Variants in C21orf58 observed in about 807,000 individuals in gnomAD.
C21orf58 encodes the protein chromosome 21 open reading frame 58.
A neutral mutation model predicts 35.8 loss-of-function variants in C21orf58; 34 were observed. That is an observed-to-expected ratio of 0.95 (90% CI 0.72 to 1.26). C21orf58 has a LOEUF of 1.26. Ranked by LOEUF, C21orf58 falls within the 50% of genes most tolerant of loss-of-function variation. The pLI, the probability that C21orf58 is intolerant of heterozygous loss-of-function variation, is 0.00. For missense variants in C21orf58, 440 were observed against 414.3 expected, an observed-to-expected ratio of 1.06 and a Z score of -0.54; for synonymous variants, 191 against 175.8, an observed-to-expected ratio of 1.09 and a Z score of -0.68.
At chr21:46,305,919 C>T (rs2082395879) in intron 6 of C21orf58, among the ~76,000 whole-genome samples, 1 of 151,446 alleles carries the variant, frequency 6.6e-6, no homozygotes, top group Non-Finnish European at 1.5e-5. Context: ...TCCAGCCTGG[C>T]AGACAGCGAG....
chr21:46,314,506 C>G (rs2082882906), intron 5 of C21orf58, among the ~76,000 whole-genome samples: 1 of 152,206 alleles, frequency 6.6e-6, no homozygotes, highest in Admixed American at 6.5e-5. Flanking sequence ...GAGCTGGGCC[C>G]CAGCCTTCCT....
chr21:46,321,316 G>A (rs910075137), intron 1 of C21orf58, among the ~76,000 whole-genome samples: 11 of 152,058 alleles, frequency 7.2e-5, no homozygotes, highest in African/African-American at 2.2e-4. Context: ...CTACAGGTAC[G>A]TGCCATCATG....
In C21orf58 at chr21:46,312,921, G is replaced by C; in HGVS notation, c.610-1354C>G. The stretch of plus-strand genomic sequence containing the variant: ...CATATATAGAACACGTCATGAAAAT[G>C]AACTTTGGTTTCTCCTCTGAGTGAA... On this transcript the variant is annotated intron_variant, in intron 5 of 7. Transcript: ENST00000291691. 5 of 864,094 alleles carry C rather than the reference G, an allele frequency of 5.8e-6. No individual in the cohort carries two copies. The South Asian group carries it at 1.6e-4, about 27-fold the overall frequency. 53.5% of individuals were successfully genotyped at this position (864,094 alleles called of 1,614,324 possible).
intron 6 of C21orf58, among the ~76,000 whole-genome samples, chr21:46,309,039 C>G (rs2082550893): frequency 6.6e-6 from 1 of 152,184 alleles, no homozygotes; most frequent in Non-Finnish European, 1.5e-5. Flanking sequence ...CCAGATTTGG[C>G]CAGGCGCAGT....
chr21:46,315,164 A>T (rs1414519208), intron 4 of C21orf58: 1 of 732,294 alleles, frequency 1.4e-6, no homozygotes, highest in Non-Finnish European at 2.2e-6. Flanking sequence ...GTCTCCCCCT[A>T]GAAAAGCGGC....
Position 46,317,210 on chromosome 21 carries a change from G to A in C21orf58, c.368C>T (p.Pro123Leu), listed in dbSNP as rs538714108. ...CCAAGCAGCCCAGGGGCTCTCACCT[G>A]GCTCGAGGTGGAGGCCCTCAGGTCC... ...EGGPEGLHLE[P>L]GNEDRPDDAL... Residue 123 changes from proline to leucine, a missense_variant and splice_region_variant, in exon 3 of 8, where the codon CCA becomes CTA. By Grantham distance (98) the Pro-to-Leu change is moderately conservative. Transcript: ENST00000291691. 18 of 1,610,354 alleles carry A rather than the reference G, an allele frequency of 1.1e-5. No homozygotes were observed. Among genetic ancestry groups the A allele is most frequent in the African/African-American group, 4.0e-5 (3 of 74,990 alleles).
At chr21:46,315,297 C>G in intron 4 of C21orf58, 177 bp downstream of exon 4, 1 of 602,560 alleles carries the variant, frequency 1.7e-6, no homozygotes. Flanking sequence ...CATTTCCAGT[C>G]CTGATGGAAA....
At chr21:46,304,180 C>T (rs1320084808) in intron 6 of C21orf58, among the ~76,000 whole-genome samples, 3 of 150,754 alleles carry the variant, frequency 2.0e-5, no homozygotes, top group African/African-American at 7.3e-5. Flanking sequence ...GCACCCGCCA[C>T]CACGCCCGGC....
At chr21:46,318,419 G>C (rs1243016499) in intron 1 of C21orf58, 199 bp from the exon 2 acceptor site, 3 of 1,429,246 alleles carry the variant, frequency 2.1e-6, no homozygotes, top group Non-Finnish European at 2.7e-6. Context: ...GGGCTTCATG[G>C]GAAGGCAAAA....
chr21:46,310,435 C>A (rs977609239), intron 6 of C21orf58, among the ~76,000 whole-genome samples: 1 of 149,450 alleles, frequency 6.7e-6, no homozygotes, highest in Non-Finnish European at 1.5e-5. Flanking sequence ...GCCAAGATGG[C>A]GCCATTGCAC....
In C21orf58 at chr21:46,303,741, ATATATTTTTTTTTTTTTT is replaced by A. The variant is rs1399790213; in HGVS notation, c.722-1183_722-1166del. Among the ~76,000 whole-genome samples the A allele has an allele frequency of 4.9e-4, 12 of 24,264 alleles. 1 individual carries two copies. The East Asian group carries it at 7.0e-3, about 14-fold the overall frequency. 15.9% of individuals were successfully genotyped at this position (24,264 alleles called of 152,430 possible). A position where few individuals can be genotyped will look rare whatever the true frequency, so the allele number is the denominator to read the frequency against. On this transcript the variant is annotated intron_variant, in intron 6 of 7. Transcript: ENST00000291691. ...TATATATATATATATATATATATAT[ATATATTTTTTTTTTTTTT>A]TTTTTTTTTGGAGACAGAGTCTTGC... is the stretch of plus-strand genomic sequence containing the variant.
At chr21:46,308,079 C>T (rs910496295) in intron 6 of C21orf58, among the ~76,000 whole-genome samples, 6 of 151,920 alleles carry the variant, frequency 3.9e-5, no homozygotes, top group African/African-American at 1.4e-4. Flanking sequence ...CTGCAGCCTC[C>T]ACCTCCTGGG....
chr21:46,308,289 C>T (rs182510106), intron 6 of C21orf58, among the ~76,000 whole-genome samples: 7 of 152,158 alleles, frequency 4.6e-5, no homozygotes, highest in African/African-American at 9.6e-5. Flanking sequence ...GGAGAAACCC[C>T]GTCTCTACTA....
intron 6 of C21orf58, among the ~76,000 whole-genome samples, chr21:46,305,673 C>T (rs943450597): frequency 1.1e-4 from 17 of 152,146 alleles, no homozygotes; most frequent in African/African-American, 4.1e-4. Flanking sequence ...GGCGCGGTGG[C>T]TCACGCCTGT....
chr21:46,317,760 G>A (rs939352832), intron 2 of C21orf58, among the ~76,000 whole-genome samples: 1 of 152,238 alleles, frequency 6.6e-6, no homozygotes, highest in African/African-American at 2.4e-5. Context: ...GGGGTGCAGA[G>A]GTGCCCCCAG....
Position 46,323,828 on chromosome 21 carries a change from A to T in C21orf58, c.-1090T>A. On this transcript the variant is annotated 5_prime_UTR_variant, in exon 1 of 8. Coordinates refer to ENST00000291691, the MANE Select transcript of C21orf58 (RefSeq NM_058180.5). ...CGGCCCGCTGTCCTGGTGGACACAA[A>T]GCCCAGGGGCCGCCCGCGCGGGACC... 1 of 345,180 alleles carries T rather than the reference A, an allele frequency of 2.9e-6. No homozygotes were observed. 21.4% of individuals were successfully genotyped at this position (345,180 alleles called of 1,614,324 possible). A position where few individuals can be genotyped will look rare whatever the true frequency, so the allele number is the denominator to read the frequency against.
At chr21:46,302,296 C>T in intron 7 of C21orf58, 142 bp from the exon 8 acceptor site, 1 of 1,372,620 alleles carries the variant, frequency 7.3e-7, no homozygotes, top group Non-Finnish European at 9.7e-7. Flanking sequence ...AGGCTCCTCC[C>T]CCGCCCCAAA....
At position 46,317,278 on chromosome 21, in the gene C21orf58, A is replaced by G. The variant is rs2083007881; in HGVS notation, c.310-10T>C. On this transcript the variant is annotated splice_polypyrimidine_tract_variant and intron_variant, in intron 2 of 7. Coordinates refer to ENST00000291691, the MANE Select transcript of C21orf58 (RefSeq NM_058180.5). Reference sequence around the variant, plus strand: ...GTTCTTGCTCCAGCTTCTGTGAGGAAGAGAGACCGTGACAGAGACGGTGGC... The same window carrying G: ...GTTCTTGCTCCAGCTTCTGTGAGGAGGAGAGACCGTGACAGAGACGGTGGC... The G allele has an allele frequency of 2.5e-6, 4 of 1,610,322 alleles. No individual in the cohort carries two copies. Among genetic ancestry groups the G allele is most frequent in the Non-Finnish European group, 3.4e-6 (4 of 1,179,004 alleles).
chr21:46,314,917 G>GTAATCCCAAAGTGCT, intron 4 of C21orf58, 37 bp from the exon 5 acceptor site: 2 of 1,550,376 alleles, frequency 1.3e-6, no homozygotes, highest in Non-Finnish European at 1.7e-6. Context: ...ACACGGGGAC[G>GTAATCCCAAAGTGCT]GGGAGCCCCA....
Sources: allele counts gnomAD v4.1 joint callset (sites outside exome capture counted in the v4.1 genomes callset), GRCh38; gene constraint gnomAD v4.1.1; transcripts MANE v1.5; gene names NCBI Gene and HGNC (gene_info 2026-07-23, HGNC 2026-07-21).